The following DNAJC8 variants were observed in gnomAD, a reference collection of about 807,000 sequenced individuals.
DNAJC8 encodes the protein dnaJ homolog subfamily C member 8.
DNAJC8 carries 24 observed loss-of-function variants against 43.2 expected under a neutral mutation model. The ratio of observed to expected loss-of-function variants is 0.56; its 90% CI spans 0.40 to 0.78. The LOEUF (loss-of-function observed/expected upper bound fraction) is 0.78, where lower values mean the gene tolerates loss of function less well. Ranked by LOEUF, DNAJC8 falls within the 30% of genes least tolerant of loss-of-function variation. The probability of loss-of-function intolerance (pLI) is 0.00; values close to 1 mark genes in which losing one functional copy is unlikely to be tolerated. For synonymous variants in DNAJC8, 83 were observed against 98.0 expected (o/e 0.85, Z 0.90); for missense variants, 207 against 299.4 (o/e 0.69, Z 2.28).
At chr1:28,227,407 CAA>C (rs1190572347) in intron 2 of DNAJC8, among the ~76,000 whole-genome samples, 15 of 49,126 alleles carry the variant, frequency 3.1e-4, no homozygotes, top group Admixed American at 9.3e-4. Flanking sequence ...GACTTCATCT[CAA>C]AAAAAAAAAA....
rs187969977 is a variant in DNAJC8 at position 28,216,149 on chromosome 1, G to A, written c.181-1153C>T. Among the ~76,000 whole-genome samples the A allele has an allele frequency of 3.9e-5, 6 of 152,214 alleles. No individual in the cohort carries two copies. In the East Asian group the frequency reaches 1.2e-3, roughly 30 times the overall value. On this transcript the variant is annotated intron_variant, in intron 2 of 8. Coordinates refer to ENST00000263697, the MANE Select transcript of DNAJC8 (RefSeq NM_014280.3). ...AGATCACTTGAGGCTAGGAGATTGA[G>A]ACGAGCCTGGCCAACATGGAGAAAC...
intron 7 of DNAJC8, 39 bp downstream of exon 7, chr1:28,205,219 G>A (rs1323070618): frequency 4.2e-6 from 6 of 1,416,342 alleles, no homozygotes; most frequent in Non-Finnish European, 5.9e-6. Flanking sequence ...GTTAATCTAG[G>A]TATTTAAATA....
intron 6 of DNAJC8, among the ~76,000 whole-genome samples, chr1:28,207,781 C>T (rs1394387800): frequency 4.0e-5 from 6 of 151,752 alleles, no homozygotes; most frequent in Admixed American, 6.6e-5. Context: ...TTAGGCCGCG[C>T]ACGGTGGCTC....
At chr1:28,228,021 T>C (rs1050816605) in intron 2 of DNAJC8, among the ~76,000 whole-genome samples, 1 of 152,218 alleles carries the variant, frequency 6.6e-6, no homozygotes, top group Non-Finnish European at 1.5e-5. Flanking sequence ...TTGGCATTTA[T>C]TATAGTGAAA....
chr1:28,210,482 A>AT (rs1646803324), intron 4 of DNAJC8, 89 bp downstream of exon 4: 1 of 1,195,994 alleles, frequency 8.4e-7, no homozygotes, highest in Non-Finnish European at 1.2e-6. Context: ...AGACAAAACT[A>AT]TAACAGTCTT....
chr1:28,201,513 G>A, intron 8 of DNAJC8, 143 bp from the exon 9 acceptor site: 3 of 1,302,246 alleles, frequency 2.3e-6, no homozygotes, highest in Non-Finnish European at 3.1e-6. Context: ...AGCTGGCCAG[G>A]CACAGTGGCT....
At chr1:28,209,103 G>A (rs1156624378) in intron 5 of DNAJC8, among the ~76,000 whole-genome samples, 2 of 152,152 alleles carry the variant, frequency 1.3e-5, no homozygotes, top group Non-Finnish European at 2.9e-5. Context: ...AAAGACATAC[G>A]AAGCCACAAT....
At position 28,232,985 on chromosome 1, in the gene DNAJC8, C is replaced by T. The variant is rs1370615414; in HGVS notation, c.14G>A (p.Gly5Glu). The T allele has an allele frequency of 6.2e-7, 1 of 1,612,544 alleles. No homozygotes were observed. The highest frequency in any genetic ancestry group is 8.5e-7 in the Non-Finnish European group (1 of 1,180,018). The change falls in exon 1 of 9, where the codon GGA (glycine) becomes GAA (glutamate). Residue 5 changes from glycine (G) to glutamate (E), a missense_variant. Transcript: ENST00000263697. ...TCCGCCGCCTGAAGTCCCGCTCTCT[C>T]CTGAAGCCGCCATTTCCCCGGCCCA... Reference protein sequence around the residue: MAASGESGTSGGGGS... With the variant: MAASEESGTSGGGGS...
At chr1:28,202,304 C>G (rs914510550) in intron 8 of DNAJC8, among the ~76,000 whole-genome samples, 12 of 152,124 alleles carry the variant, frequency 7.9e-5, no homozygotes, top group South Asian at 6.2e-4. Context: ...TTGTGAGATG[C>G]AGTCTCGCTC....
rs768065187 is a variant in DNAJC8 at position 28,200,811 on chromosome 1, G to T, written c.*437C>A. 1 of 372,044 alleles carries T rather than the reference G, an allele frequency of 2.7e-6. No individual in the cohort carries two copies. The highest frequency in any genetic ancestry group is 2.1e-5 in the African/African-American group (1 of 47,186). The allele number at this position is 372,044 out of a possible 1,614,324, so 23.0% of individuals were successfully genotyped here. A position where few individuals can be genotyped will look rare whatever the true frequency, so the allele number is the denominator to read the frequency against. On this transcript the variant is annotated 3_prime_UTR_variant, in exon 9 of 9. Coordinates refer to ENST00000263697, the MANE Select transcript of DNAJC8 (RefSeq NM_014280.3). ...CTTCGAAGGGAGCACACCCAGAAGC[G>T]AGCAACTGAAGCGAAGGGGCTTCCT...
chr1:28,214,601 A>G (rs543770642), intron 3 of DNAJC8, among the ~76,000 whole-genome samples: 2 of 152,164 alleles, frequency 1.3e-5, no homozygotes, highest in Non-Finnish European at 2.9e-5. Context: ...AAAATGTGCT[A>G]TGAATCATTT....
intron 3 of DNAJC8, among the ~76,000 whole-genome samples, chr1:28,213,505 AT>A (rs1646829466): frequency 6.6e-6 from 1 of 152,154 alleles, no homozygotes; most frequent in Non-Finnish European, 1.5e-5. Context: ...AGTCAGCAAT[AT>A]GGGGAAAATT....
In DNAJC8 at chr1:28,220,088, C is replaced by G. The variant is rs377285284; in HGVS notation, c.181-5092G>C. 4.6e-5 allele frequency among the ~76,000 whole-genome samples: 7 copies of G among 152,344 alleles called. No individual in the cohort carries two copies. In the East Asian group the frequency reaches 1.2e-3, roughly 25 times the overall value. ...AAAGTATTTAGGCATTAAGTGTTAA[C>G]AACACCTGGAGCTTACTTTCACCAC... On this transcript the variant is annotated intron_variant, in intron 2 of 8. Transcript: ENST00000263697.
intron 6 of DNAJC8, among the ~76,000 whole-genome samples, chr1:28,207,717 C>T (rs1646779381): frequency 6.7e-6 from 1 of 149,828 alleles, no homozygotes; most frequent in African/African-American, 2.4e-5. Context: ...TCTGGGATTA[C>T]AGGCGTGAGC....
chr1:28,231,297 G>A (rs1557715768), intron 1 of DNAJC8, among the ~76,000 whole-genome samples: 3 of 152,178 alleles, frequency 2.0e-5, no homozygotes, highest in African/African-American at 2.4e-5. Context: ...CCAGAAGGCA[G>A]AGGTTGTGCA....
intron 7 of DNAJC8, 36 bp downstream of exon 7, chr1:28,205,222 T>C (rs774285737): frequency 6.6e-7 from 1 of 1,506,484 alleles, no homozygotes; most frequent in Non-Finnish European, 9.2e-7. Context: ...AATCTAGGTA[T>C]TTAAATATGG....
At chr1:28,217,592 G>A (rs919952169) in intron 2 of DNAJC8, among the ~76,000 whole-genome samples, 4 of 152,074 alleles carry the variant, frequency 2.6e-5, no homozygotes, top group African/African-American at 9.7e-5. Flanking sequence ...AGTCACGTAA[G>A]ATTTACAGAC....
chr1:28,232,913 G>A lies in DNAJC8; in HGVS notation c.78+8C>T. 1 of 1,612,734 alleles carries A rather than the reference G, an allele frequency of 6.2e-7. No homozygotes were observed. The highest frequency in any genetic ancestry group is 1.3e-5 in the African/African-American group (1 of 75,030). Reference sequence around the variant, plus strand: ...CCCCGGTGCCACTACTCCTCACTCTGTGTTCACCTCACTGTAGAAGGTCAT... The same window carrying A: ...CCCCGGTGCCACTACTCCTCACTCTATGTTCACCTCACTGTAGAAGGTCAT... On this transcript the variant is annotated splice_region_variant and intron_variant, in intron 1 of 8. Coordinates refer to ENST00000263697, the MANE Select transcript of DNAJC8 (RefSeq NM_014280.3).
rs35570191 is a variant in DNAJC8, at chr1:28,201,158, GT to G, written c.*89del. On this transcript the variant is annotated 3_prime_UTR_variant, in exon 9 of 9. Coordinates refer to ENST00000263697, the MANE Select transcript of DNAJC8 (RefSeq NM_014280.3). ...GACTAAAAAGCAAATACTACTCTAT[GT>G]TGGGGTGGAAGTGGGAGGAAAGAAT... 21 of 1,573,002 alleles carry G rather than the reference GT, an allele frequency of 1.3e-5. No homozygotes were observed. Among genetic ancestry groups the G allele is most frequent in the Non-Finnish European group, 4.3e-6 (5 of 1,155,772 alleles).
Sources: allele counts gnomAD v4.1 joint callset (sites outside exome capture counted in the v4.1 genomes callset), GRCh38; gene constraint gnomAD v4.1.1; transcripts MANE v1.5; gene names NCBI Gene and HGNC (gene_info 2026-07-23, HGNC 2026-07-21).